RBFOX1: variants seen among roughly 807,000 people sequenced by gnomAD.
The protein encoded by RBFOX1 is RNA binding protein fox-1 homolog 1.
RBFOX1 carries 8 observed loss-of-function variants against 57.7 expected under a neutral mutation model. That is an observed-to-expected ratio of 0.14 (90% confidence interval 0.08 to 0.25). The LOEUF (loss-of-function observed/expected upper bound fraction) is 0.25. Among genes scored for constraint, RBFOX1 ranks in the 10% least tolerant of loss-of-function variants. The pLI is 1.00. For synonymous variants in RBFOX1, 326 were observed against 222.4 expected (o/e 1.47, Z -4.15); for missense variants, 611 against 548.5 (o/e 1.11, Z -1.14).
intron 3 of RBFOX1, among the ~76,000 whole-genome samples, chr16:6,695,413 C>CAAAAAA (rs71145278): frequency 5.5e-5 from 6 of 109,094 alleles, no homozygotes; most frequent in African/African-American, 1.6e-4. Context: ...GAAACTCTGT[C>CAAAAAA]AAAAAAAAAA....
intron 2 of RBFOX1, among the ~76,000 whole-genome samples, chr16:6,523,020 A>G (rs908504825): frequency 2.6e-5 from 4 of 152,212 alleles, no homozygotes; most frequent in African/African-American, 9.6e-5. Flanking sequence ...TCCATCCTAC[A>G]TAAGAAAACT....
chr16:6,955,744 C>T (rs1018009877), intron 3 of RBFOX1, among the ~76,000 whole-genome samples: 2 of 149,704 alleles, frequency 1.3e-5, no homozygotes, highest in East Asian at 3.9e-4. Context: ...ACTCTTGTTC[C>T]CCAAGCTGGA....
intron 2 of RBFOX1, among the ~76,000 whole-genome samples, chr16:6,550,797 G>A (rs1344621755): frequency 3.9e-5 from 6 of 152,234 alleles, no homozygotes; most frequent in Admixed American, 2.0e-4. Context: ...ACAGAGTACT[G>A]TTTTGTGATT....
At chr16:5,623,551 G>A (rs1333671320) in intron 3 of RBFOX1, among the ~76,000 whole-genome samples, 1 of 150,172 alleles carries the variant, frequency 6.7e-6, no homozygotes, top group African/African-American at 2.4e-5. Context: ...GGTGCAGGTG[G>A]CCGGAGGACC....
chr16:5,852,773 T>C (rs531975816), intron 3 of RBFOX1, among the ~76,000 whole-genome samples: 5 of 152,148 alleles, frequency 3.3e-5, no homozygotes, highest in African/African-American at 9.6e-5. Context: ...GAGGCTGCAG[T>C]GAGTTATGAT....
intron 4 of RBFOX1, among the ~76,000 whole-genome samples, chr16:7,054,003 G>C (rs1177152656): frequency 6.6e-6 from 1 of 151,916 alleles, no homozygotes; most frequent in Non-Finnish European, 1.5e-5. Context: ...TAGGCGTCTA[G>C]TTCCCTCTGG....
chr16:7,367,885 T>C (rs372702599), intron 4 of RBFOX1, among the ~76,000 whole-genome samples: 1 of 148,334 alleles, frequency 6.7e-6, no homozygotes, highest in East Asian at 2.0e-4. Flanking sequence ...CATGCGTGCA[T>C]ACACACACAC....
chr16:5,317,623 A>G (rs2064278819), intron 1 of RBFOX1, among the ~76,000 whole-genome samples: 1 of 152,162 alleles, frequency 6.6e-6, no homozygotes, highest in Admixed American at 6.5e-5. Flanking sequence ...TGAAAAACAA[A>G]AAAAAGCGAA....
intron 3 of RBFOX1, among the ~76,000 whole-genome samples, chr16:5,611,887 T>C (rs923499739): frequency 6.7e-6 from 1 of 148,536 alleles, no homozygotes; most frequent in East Asian, 2.1e-4. Context: ...CTGCACTTTG[T>C]AAGGCCAAGG....
At chr16:6,914,220 T>G (rs969866876) in intron 3 of RBFOX1, among the ~76,000 whole-genome samples, 1 of 152,230 alleles carries the variant, frequency 6.6e-6, no homozygotes, top group Non-Finnish European at 1.5e-5. Flanking sequence ...TTTAGCATAT[T>G]TATTCCTTGG....
At chr16:6,420,659 T>A (rs1009243131) in intron 2 of RBFOX1, among the ~76,000 whole-genome samples, 2 of 152,182 alleles carry the variant, frequency 1.3e-5, no homozygotes, top group Non-Finnish European at 2.9e-5. Context: ...AGTGTATTGG[T>A]GTTTGCTCAT....
chr16:7,170,476 G>A lies in RBFOX1; in HGVS notation c.27+118378G>A, dbSNP rs115659666. Among the ~76,000 whole-genome samples, 703 of 152,132 alleles carry A rather than the reference G, an allele frequency of 4.6e-3. 4 individuals carry two copies. The highest frequency in any genetic ancestry group is 0.016 in the African/African-American group (650 of 41,502). Reference sequence around the variant, plus strand: ...TTTTTTTCCAAGATAGAGTCTTGGCGTGTTGCCCATATTGGTCTCAAATTC... The same window carrying A: ...TTTTTTTCCAAGATAGAGTCTTGGCATGTTGCCCATATTGGTCTCAAATTC... On this transcript the variant is annotated intron_variant, in intron 4 of 15. Transcript: ENST00000550418.
chr16:6,881,491 C>T (rs977714045), intron 3 of RBFOX1, among the ~76,000 whole-genome samples: 1 of 152,098 alleles, frequency 6.6e-6, no homozygotes, highest in Non-Finnish European at 1.5e-5. Context: ...GGGTCAGCTA[C>T]ATAGAGAGCC....
At chr16:6,955,618 C>T (rs1278901247) in intron 3 of RBFOX1, among the ~76,000 whole-genome samples, 1 of 148,368 alleles carries the variant, frequency 6.7e-6, no homozygotes, top group Non-Finnish European at 1.5e-5. Flanking sequence ...CATGTGACAG[C>T]AATATGAGAG....
intron 4 of RBFOX1, among the ~76,000 whole-genome samples, chr16:7,114,455 A>C (rs2065450597): frequency 6.6e-6 from 1 of 152,206 alleles, no homozygotes; most frequent in South Asian, 2.1e-4. Context: ...GTCTGCATGA[A>C]AGCATGAGTG....
rs35407844 is a variant in RBFOX1, at chr16:6,539,806, G to GACACACACAC, written c.-63-114775_-63-114766dup. Among the ~76,000 whole-genome samples, 260 of 136,304 alleles carry GACACACACAC rather than the reference G, an allele frequency of 1.9e-3. 12 individuals carry two copies. The highest frequency in any genetic ancestry group is 0.012 in the East Asian group (45 of 3,712). The allele number at this position is 136,304 out of a possible 152,430, so 89.4% of individuals were successfully genotyped here. A position where few individuals can be genotyped will look rare whatever the true frequency, so the allele number is the denominator to read the frequency against. On this transcript the variant is annotated intron_variant, in intron 2 of 15. Coordinates refer to ENST00000550418, the MANE Select transcript of RBFOX1 (RefSeq NM_018723.4). ...GACTGAGGCTGCATCTCAAAACACA[G>GACACACACAC]ACACACACACACACACACACACACA...
At chr16:5,464,292 G>C (rs2068886737) in intron 1 of RBFOX1, among the ~76,000 whole-genome samples, 1 of 152,240 alleles carries the variant, frequency 6.6e-6, no homozygotes, top group Admixed American at 6.5e-5. Context: ...CAGTGGGGTA[G>C]ACATTGGGGT....
chr16:6,768,918 G>A (rs191436925), intron 3 of RBFOX1, among the ~76,000 whole-genome samples: 288 of 152,064 alleles, frequency 1.9e-3, no homozygotes, highest in African/African-American at 5.9e-3. Flanking sequence ...TAGGAGAGAT[G>A]GGGTTTCACC....
chr16:5,866,606 A>G (rs1226164817), intron 3 of RBFOX1, among the ~76,000 whole-genome samples: 1 of 152,242 alleles, frequency 6.6e-6, no homozygotes, highest in Admixed American at 6.5e-5. Context: ...ATCCTTTGAT[A>G]TACAGTAGGC....
Sources: allele counts gnomAD v4.1 joint callset (sites outside exome capture counted in the v4.1 genomes callset), GRCh38; gene constraint gnomAD v4.1.1; transcripts MANE v1.5; gene names NCBI Gene and HGNC (gene_info 2026-07-23, HGNC 2026-07-21).